Variants in TENM4 observed in about 807,000 individuals in gnomAD.
TENM4 encodes teneurin-4.
Under a neutral mutation model 243.3 loss-of-function variants are expected in TENM4, and 82 were observed. The observed-to-expected ratio is 0.34, with a 90% CI of 0.28 to 0.40. The LOEUF (loss-of-function observed/expected upper bound fraction) is 0.40, where lower values mean the gene tolerates loss of function less well. Among genes scored for constraint, TENM4 ranks in the 10% least tolerant of loss-of-function variants. TENM4 has a pLI of 1.00. For synonymous variants in TENM4, 1,412 were observed against 1,456.3 expected, an observed-to-expected ratio of 0.97 and a Z score of 0.69; for missense variants, 3,138 against 3,673.3, an observed-to-expected ratio of 0.85 and a Z score of 3.77.
At chr11:78,896,435 C>T (rs934926442) in intron 7 of TENM4, among the ~76,000 whole-genome samples, 3 of 152,108 alleles carry the variant, frequency 2.0e-5, no homozygotes, top group African/African-American at 4.8e-5. Context: ...CATAATGGCA[C>T]CTTCTGATTT....
At chr11:78,949,865 G>A (rs148985850) in intron 6 of TENM4, among the ~76,000 whole-genome samples, 2 of 152,144 alleles carry the variant, frequency 1.3e-5, no homozygotes, top group Non-Finnish European at 2.9e-5. Flanking sequence ...TGGGTGCAGG[G>A]GGAGGTGGGA....
intron 1 of TENM4, among the ~76,000 whole-genome samples, chr11:79,338,890 C>G (rs965544516): frequency 1.1e-4 from 17 of 152,190 alleles, no homozygotes; most frequent in African/African-American, 4.1e-4. Flanking sequence ...CTCAGGGCAT[C>G]CAAATGGGCT....
At chr11:79,260,763 G>A (rs1855782228) in intron 2 of TENM4, among the ~76,000 whole-genome samples, 1 of 152,106 alleles carries the variant, frequency 6.6e-6, no homozygotes, top group Non-Finnish European at 1.5e-5. Context: ...CCTCATTACT[G>A]CCAAAAGGGC....
At chr11:78,807,033 C>G (rs1487164609) in intron 14 of TENM4, among the ~76,000 whole-genome samples, 1 of 152,204 alleles carries the variant, frequency 6.6e-6, no homozygotes, top group African/African-American at 2.4e-5. Context: ...GAATTTCCTT[C>G]CTTTTTAAGG....
chr11:79,160,425 C>G (rs1040869185), intron 3 of TENM4, among the ~76,000 whole-genome samples: 18 of 152,120 alleles, frequency 1.2e-4, no homozygotes, highest in African/African-American at 4.3e-4. Context: ...ACAGGGTATT[C>G]CTGGCAGTCA....
At chr11:78,889,692 G>T in intron 9 of TENM4, 93 bp downstream of exon 9, 7 of 1,341,146 alleles carry the variant, frequency 5.2e-6, no homozygotes, top group Non-Finnish European at 7.2e-6. Flanking sequence ...TGCCTGCCAT[G>T]CTAGTAAGGA....
chr11:79,139,748 T>TAA lies in TENM4; in HGVS notation c.-66+8960_-66+8961dup, dbSNP rs752130910. ...TATATATTATATTTATATAAATATA[T>TAA]AATATATATTATATTTATATAAATA... On this transcript the variant is annotated intron_variant, in intron 4 of 33. Transcript: ENST00000278550. 3.9e-3 allele frequency among the ~76,000 whole-genome samples: 97 copies of TAA among 24,908 alleles called. 3 individuals are homozygous for TAA. Among genetic ancestry groups the TAA allele is most frequent in the Admixed American group, 9.2e-3 (10 of 1,088 alleles). 16.3% of individuals were successfully genotyped at this position (24,908 alleles called of 152,430 possible).
chr11:79,342,866 G>A (rs981089768), intron 1 of TENM4, among the ~76,000 whole-genome samples: 5 of 152,186 alleles, frequency 3.3e-5, no homozygotes, highest in Admixed American at 1.3e-4. Context: ...CCCTGCCTGC[G>A]TCCCTGGCGC....
intron 6 of TENM4, among the ~76,000 whole-genome samples, chr11:78,974,026 G>T (rs960751021): frequency 6.6e-6 from 1 of 152,078 alleles, no homozygotes; most frequent in East Asian, 1.9e-4. Flanking sequence ...GACTAGAGAA[G>T]CATAACAATG....
chr11:79,094,524 C>T (rs1242931912), intron 4 of TENM4, among the ~76,000 whole-genome samples: 2 of 152,144 alleles, frequency 1.3e-5, no homozygotes, highest in Non-Finnish European at 2.9e-5. Context: ...CCCCTCACTC[C>T]CTTGTGAAAG....
At chr11:79,205,313 A>T (rs1863828090) in intron 3 of TENM4, among the ~76,000 whole-genome samples, 1 of 152,168 alleles carries the variant, frequency 6.6e-6, no homozygotes, top group East Asian at 1.9e-4. Context: ...TCTACCAATC[A>T]TATTCAAATG....
intron 1 of TENM4, among the ~76,000 whole-genome samples, chr11:79,320,009 T>A (rs1483412837): frequency 6.6e-6 from 1 of 152,204 alleles, no homozygotes; most frequent in Non-Finnish European, 1.5e-5. Flanking sequence ...GTTTCTCACC[T>A]ACCTTCTACT....
chr11:79,211,397 C>T (rs920285797), intron 3 of TENM4, among the ~76,000 whole-genome samples: 1 of 152,166 alleles, frequency 6.6e-6, no homozygotes, highest in Non-Finnish European at 1.5e-5. Flanking sequence ...ACCTTTTATA[C>T]CCACAGTTTT....
intron 26 of TENM4, among the ~76,000 whole-genome samples, chr11:78,708,984 T>C (rs12419993): frequency 2.8e-5 from 4 of 145,258 alleles, no homozygotes; most frequent in Non-Finnish European, 4.5e-5. Context: ...TTTTTTTTTT[T>C]AAAAAAAGAG....
intron 15 of TENM4, among the ~76,000 whole-genome samples, chr11:78,800,473 G>C (rs919263222): frequency 6.6e-6 from 1 of 152,158 alleles, no homozygotes; most frequent in African/African-American, 2.4e-5. Context: ...TGGGGAGTGG[G>C]AGGGAAGGGG....
intron 12 of TENM4, among the ~76,000 whole-genome samples, chr11:78,841,298 A>G (rs1010822111): frequency 2.6e-5 from 4 of 152,214 alleles, no homozygotes; most frequent in African/African-American, 9.6e-5. Flanking sequence ...TCCATTCTCT[A>G]ACCACTAAGC....
chr11:79,169,134 A>G (rs1056483869), intron 3 of TENM4, among the ~76,000 whole-genome samples: 4 of 152,178 alleles, frequency 2.6e-5, no homozygotes, highest in African/African-American at 9.7e-5. Flanking sequence ...ACCCAGACCC[A>G]CTTCAGATGC....
intron 6 of TENM4, among the ~76,000 whole-genome samples, chr11:78,980,997 C>T (rs1857779744): frequency 6.6e-6 from 1 of 152,160 alleles, no homozygotes; most frequent in Admixed American, 6.5e-5. Flanking sequence ...TGGATTGGAA[C>T]CTGTGACTGA....
chr11:79,136,657 C>T (rs1862116140), intron 4 of TENM4, among the ~76,000 whole-genome samples: 7 of 152,266 alleles, frequency 4.6e-5, no homozygotes, highest in South Asian at 2.1e-4. Flanking sequence ...ATACTTGCTC[C>T]GGATATGGGT....
Sources: allele counts gnomAD v4.1 joint callset (sites outside exome capture counted in the v4.1 genomes callset), GRCh38; gene constraint gnomAD v4.1.1; transcripts MANE v1.5; gene names NCBI Gene and HGNC (gene_info 2026-07-23, HGNC 2026-07-21).